The following ACTR3C variants were observed in gnomAD, a reference collection of about 807,000 sequenced individuals.
ACTR3C encodes actin-related protein 3C.
ACTR3C carries 18 observed loss-of-function variants against 26.3 expected under a neutral mutation model. That is an observed-to-expected ratio of 0.68 (90% CI 0.47 to 1.01). ACTR3C has a LOEUF of 1.01. Ranked by LOEUF, ACTR3C falls within the 50% of genes least tolerant of loss-of-function variation. The probability of loss-of-function intolerance (pLI) is 0.00; values close to 1 mark genes in which losing one functional copy is unlikely to be tolerated. For missense variants in ACTR3C, 184 were observed against 250.7 expected, an observed-to-expected ratio of 0.73 and a Z score of 1.80; for synonymous variants, 55 against 94.5, an observed-to-expected ratio of 0.58 and a Z score of 2.42.
At chr7:150,301,085 G>A (rs962473863) in intron 1 of ACTR3C, among the ~76,000 whole-genome samples, 2 of 152,052 alleles carry the variant, frequency 1.3e-5, no homozygotes, top group Non-Finnish European at 2.9e-5. Context: ...AATGGGGCTG[G>A]GCACATAGAA....
At chr7:150,150,321 G>A in the ACTR3C span, among the ~76,000 whole-genome samples, 1 of 141,538 alleles carries the variant, frequency 7.1e-6, no homozygotes, top group Non-Finnish European at 1.6e-5. Context: ...TGTTGACTAG[G>A]TCTTTCTCTC....
intron 6 of ACTR3C, among the ~76,000 whole-genome samples, chr7:150,276,540 G>A (rs1238087911): frequency 7.2e-5 from 11 of 152,186 alleles, no homozygotes; most frequent in Admixed American, 2.0e-4. Flanking sequence ...TCTAAAATAC[G>A]GGCTGTTATG....
chr7:150,013,782 T>C, the ACTR3C span, among the ~76,000 whole-genome samples: 7 of 152,138 alleles, frequency 4.6e-5, no homozygotes, highest in Non-Finnish European at 1.0e-4. Flanking sequence ...TGGCTTAGGG[T>C]ATTAAAAAAT....
At chr7:150,120,844 A>C in the ACTR3C span, among the ~76,000 whole-genome samples, 3 of 152,232 alleles carry the variant, frequency 2.0e-5, no homozygotes, top group East Asian at 5.8e-4. Context: ...TCAATAAAAT[A>C]CTGGAAAACT....
chr7:150,220,901 G>A, the ACTR3C span, among the ~76,000 whole-genome samples: 4 of 152,300 alleles, frequency 2.6e-5, no homozygotes, highest in African/African-American at 7.2e-5. Flanking sequence ...CACCCAGCAG[G>A]GGTTAAGGAG....
chr7:149,989,263 T>C, the ACTR3C span, among the ~76,000 whole-genome samples: 1 of 152,358 alleles, frequency 6.6e-6, no homozygotes, highest in African/African-American at 2.4e-5. Context: ...ATAGTTAACA[T>C]ATATATCACC....
the ACTR3C span, among the ~76,000 whole-genome samples, chr7:150,084,343 C>T: frequency 9.9e-5 from 15 of 152,102 alleles, no homozygotes; most frequent in East Asian, 2.7e-3. Context: ...TAGCAAAAAA[C>T]AATAGACAAT....
At chr7:150,320,255 G>A (rs1303314499) in intron 1 of ACTR3C, among the ~76,000 whole-genome samples, 1 of 152,208 alleles carries the variant, frequency 6.6e-6, no homozygotes, top group Non-Finnish European at 1.5e-5. Flanking sequence ...TTAGAGTAGG[G>A]TATCCTCAGG....
At chr7:149,892,054 A>G in the ACTR3C span, among the ~76,000 whole-genome samples, 3 of 143,882 alleles carry the variant, frequency 2.1e-5, no homozygotes, top group African/African-American at 5.0e-5. Flanking sequence ...TCCTGAGTCT[A>G]TTCTGCATTC....
the ACTR3C span, among the ~76,000 whole-genome samples, chr7:149,927,699 G>A: frequency 2.7e-5 from 4 of 149,098 alleles, no homozygotes; most frequent in Middle Eastern, 3.4e-3. Flanking sequence ...TTCTACTCCA[G>A]TCTGAACAAT....
the ACTR3C span, among the ~76,000 whole-genome samples, chr7:150,173,717 G>T: frequency 7.7e-6 from 1 of 130,684 alleles, no homozygotes. Context: ...TTTATGCTCT[G>T]CTTCCCTTAT....
At chr7:150,083,394 C>G in the ACTR3C span, among the ~76,000 whole-genome samples, 7 of 152,108 alleles carry the variant, frequency 4.6e-5, no homozygotes, top group East Asian at 1.2e-3. Context: ...CAGTGAAACC[C>G]CATCTCTACA....
chr7:150,278,556 T>A (rs1835071239), intron 6 of ACTR3C, among the ~76,000 whole-genome samples: 1 of 152,244 alleles, frequency 6.6e-6, no homozygotes. Flanking sequence ...CCTGGCGCTC[T>A]GCAGGTGCTC....
At chr7:150,221,141 G>A in the ACTR3C span, among the ~76,000 whole-genome samples, 2 of 152,278 alleles carry the variant, frequency 1.3e-5, no homozygotes, top group African/African-American at 2.4e-5. Flanking sequence ...AGCAGGCGCT[G>A]CGCGCGGAGG....
At chr7:150,197,894 T>G in the ACTR3C span, among the ~76,000 whole-genome samples, 1 of 134,046 alleles carries the variant, frequency 7.5e-6, no homozygotes, top group African/African-American at 2.8e-5. Context: ...ACGGTCTCCC[T>G]CTCATGCGGA....
the ACTR3C span, among the ~76,000 whole-genome samples, chr7:150,143,318 G>A: frequency 6.6e-6 from 1 of 152,066 alleles, no homozygotes. Context: ...AATGACTTAT[G>A]AAAATGCACA....
chr7:150,019,373 C>G, the ACTR3C span, among the ~76,000 whole-genome samples: 1 of 149,878 alleles, frequency 6.7e-6, no homozygotes, highest in African/African-American at 2.5e-5. Flanking sequence ...GAGGGCAGAT[C>G]ATGAGGTCAA....
the ACTR3C span, among the ~76,000 whole-genome samples, chr7:149,927,986 C>T: frequency 2.6e-5 from 4 of 152,122 alleles, no homozygotes; most frequent in Admixed American, 1.3e-4. Flanking sequence ...GGTAATTTTA[C>T]AAATTGGCAA....
chr7:150,321,940 C>G (rs71537956), intron 1 of ACTR3C, among the ~76,000 whole-genome samples: 27 of 152,262 alleles, frequency 1.8e-4, no homozygotes, highest in African/African-American at 5.3e-4. Context: ...AGCCTGCCCC[C>G]GGGCCAGCCC....
Sources: gnomAD v4.1 joint callset for allele counts (sites outside exome capture counted in the v4.1 genomes callset) on GRCh38, gnomAD v4.1.1 for gene constraint, MANE v1.5 for transcripts, NCBI Gene and HGNC (gene_info 2026-07-23, HGNC 2026-07-21) for gene names.